Variants in ASAP2 observed in about 807,000 individuals in gnomAD.
ASAP2 encodes ArfGAP with SH3 domain, ankyrin repeat and PH domain 2.
Under a neutral mutation model 131.4 loss-of-function variants are expected in ASAP2, and 45 were observed. That is an observed-to-expected ratio of 0.34 (90% CI 0.27 to 0.44). The LOEUF (loss-of-function observed/expected upper bound fraction) is 0.44, where lower values mean the gene tolerates loss of function less well. Ranked by LOEUF, ASAP2 falls within the 20% of genes least tolerant of loss-of-function variation. ASAP2 has a pLI of 1.00. For synonymous variants in ASAP2, 510 were observed against 503.0 expected (o/e 1.01, Z -0.19); for missense variants, 1,011 against 1,297.0 (o/e 0.78, Z 3.39).
intron 4 of ASAP2, among the ~76,000 whole-genome samples, chr2:9,319,586 C>T (rs976918436): frequency 1.3e-5 from 2 of 152,234 alleles, no homozygotes; most frequent in Non-Finnish European, 2.9e-5. Flanking sequence ...GGAGCCAGTT[C>T]GTGCAGGGAC....
chr2:9,297,164 G>A, intron 2 of ASAP2, 136 bp from the exon 3 acceptor site: 1 of 1,104,230 alleles, frequency 9.1e-7, no homozygotes, highest in South Asian at 1.8e-5. Flanking sequence ...AGCTATTTCT[G>A]TTCCTGGTGC....
rs544974025 is a variant in ASAP2 at position 9,371,731 on chromosome 2, C to T, written c.1557-3024C>T. Among the ~76,000 whole-genome samples, 3 of 152,210 alleles carry T rather than the reference C, an allele frequency of 2.0e-5. No individual in the cohort carries two copies. In the South Asian group the frequency reaches 6.2e-4, roughly 32 times the overall value. On this transcript the variant is annotated intron_variant, in intron 16 of 27. Coordinates refer to ENST00000281419, the MANE Select transcript of ASAP2 (RefSeq NM_003887.3). ...CTGTGACTTGGGACCATTATACACA[C>T]CCTGTCCTTGAGAAGTGTAAGGAGA...
intron 21 of ASAP2, among the ~76,000 whole-genome samples, chr2:9,387,675 C>G (rs1023081259): frequency 2.0e-4 from 30 of 152,280 alleles, no homozygotes; most frequent in African/African-American, 7.2e-4. Flanking sequence ...AGATAAATAG[C>G]TTATATTTTA....
chr2:9,381,009 G>A (rs952984832), intron 20 of ASAP2, among the ~76,000 whole-genome samples: 4 of 152,216 alleles, frequency 2.6e-5, no homozygotes, highest in Admixed American at 1.3e-4. Flanking sequence ...CCCACCCCTC[G>A]CAGTGAGACT....
intron 1 of ASAP2, among the ~76,000 whole-genome samples, chr2:9,266,418 G>T (rs758581479): frequency 6.6e-6 from 1 of 152,148 alleles, no homozygotes; most frequent in African/African-American, 2.4e-5. Flanking sequence ...AAGTGTTGGG[G>T]TTACAAGCAT....
rs766277322 is a variant in ASAP2, at chr2:9,279,370, A to T, written c.180A>T (p.Ala60=). Residue 60 remains alanine, a synonymous_variant, in exon 2 of 28, where the codon GCA becomes GCT. Transcript: ENST00000281419. ...VLYKMKKSVK[A]INSSGLAHVE... ...ACAAAATGAAGAAATCCGTGAAAGC[A>T]ATCAACAGCTCTGGGCTGGGTGAGT... The T allele has an allele frequency of 3.1e-6, 5 of 1,614,048 alleles. No individual in the cohort carries two copies. The highest frequency in any genetic ancestry group is 8.5e-7 in the Non-Finnish European group (1 of 1,180,008).
intron 2 of ASAP2, among the ~76,000 whole-genome samples, chr2:9,284,003 A>G (rs1667302843): frequency 6.6e-6 from 1 of 152,180 alleles, no homozygotes; most frequent in African/African-American, 2.4e-5. Flanking sequence ...CCCATAGCAA[A>G]CACTGACTCT....
At chr2:9,289,073 G>A (rs73915710) in intron 2 of ASAP2, among the ~76,000 whole-genome samples, 6,019 of 152,148 alleles carry the variant, frequency 0.04, 300 homozygotes, top group African/African-American at 0.11. Context: ...GATTGTTTTC[G>A]CATGTTTATC....
intron 1 of ASAP2, among the ~76,000 whole-genome samples, chr2:9,259,457 G>T (rs748590454): frequency 3.9e-5 from 6 of 152,186 alleles, no homozygotes; most frequent in Non-Finnish European, 8.8e-5. Context: ...GCCCCTCTCT[G>T]CAGGCTCCCA....
intron 1 of ASAP2, among the ~76,000 whole-genome samples, chr2:9,223,368 T>C (rs561581870): frequency 5.3e-5 from 8 of 152,334 alleles, no homozygotes; most frequent in African/African-American, 1.9e-4. Flanking sequence ...TTTTAATTTA[T>C]GAACCTTCTT....
chr2:9,284,288 A>G (rs1264169575), intron 2 of ASAP2, among the ~76,000 whole-genome samples: 5 of 152,230 alleles, frequency 3.3e-5, no homozygotes, highest in Non-Finnish European at 7.3e-5. Context: ...TTGTTCAGCT[A>G]CAAATTAAAG....
intron 3 of ASAP2, among the ~76,000 whole-genome samples, chr2:9,302,004 T>C: frequency 6.6e-6 from 1 of 151,524 alleles, no homozygotes; most frequent in Non-Finnish European, 1.5e-5. Flanking sequence ...TTGGTATTTT[T>C]AGTAGAGATG....
chr2:9,401,508 G>A, intron 27 of ASAP2, 112 bp downstream of exon 27: 5 of 1,368,576 alleles, frequency 3.7e-6, no homozygotes, highest in Non-Finnish European at 4.9e-6. Context: ...CAGTCCAGAT[G>A]TAGTTCCTGG....
chr2:9,299,195 T>G (rs1668337196), intron 3 of ASAP2, among the ~76,000 whole-genome samples: 1 of 152,116 alleles, frequency 6.6e-6, no homozygotes, highest in South Asian at 2.1e-4. Context: ...GGCTCACAAG[T>G]ACCCAGCGCA....
intron 1 of ASAP2, among the ~76,000 whole-genome samples, chr2:9,276,425 C>T (rs1666763973): frequency 6.6e-6 from 1 of 152,134 alleles, no homozygotes; most frequent in Non-Finnish European, 1.5e-5. Flanking sequence ...AGGCAGAGCT[C>T]AGATGATCAG....
intron 1 of ASAP2, among the ~76,000 whole-genome samples, chr2:9,234,381 C>T (rs1302331611): frequency 2.0e-5 from 3 of 152,132 alleles, no homozygotes; most frequent in Admixed American, 6.5e-5. Context: ...CAGAGCCTGT[C>T]GCATGGCTGG....
At chr2:9,263,761 T>C (rs547717896) in intron 1 of ASAP2, among the ~76,000 whole-genome samples, 19 of 152,306 alleles carry the variant, frequency 1.2e-4, no homozygotes, top group East Asian at 9.6e-4. Flanking sequence ...TTCTCACTTA[T>C]CTGTTCATAC....
At chr2:9,396,569 G>A (rs973408259) in intron 24 of ASAP2, among the ~76,000 whole-genome samples, 1 of 152,148 alleles carries the variant, frequency 6.6e-6, no homozygotes, top group Non-Finnish European at 1.5e-5. Flanking sequence ...GAGGCACTGC[G>A]CCTCACCTCT....
chr2:9,323,077 C>T, intron 5 of ASAP2, 44 bp from the exon 6 acceptor site: 1 of 1,612,236 alleles, frequency 6.2e-7, no homozygotes, highest in Non-Finnish European at 8.5e-7. Context: ...CCGTTGAGTT[C>T]TGTGCCAACA....
Sources: gnomAD v4.1 joint callset for allele counts (sites outside exome capture counted in the v4.1 genomes callset) on GRCh38, gnomAD v4.1.1 for gene constraint, MANE v1.5 for transcripts, NCBI Gene and HGNC (gene_info 2026-07-23, HGNC 2026-07-21) for gene names.